ADAMTS12: variants seen among roughly 807,000 people sequenced by gnomAD.
The protein encoded by ADAMTS12 is A disintegrin and metalloproteinase with thrombospondin motifs 12.
A neutral mutation model predicts 167.8 loss-of-function variants in ADAMTS12; 118 were observed. The observed-to-expected ratio is 0.70, with a 90% CI of 0.61 to 0.82. The LOEUF (loss-of-function observed/expected upper bound fraction) is 0.82. Among genes scored for constraint, ADAMTS12 ranks in the 40% least tolerant of loss-of-function variants. The pLI is 0.00. For missense variants in ADAMTS12, 1,916 were observed against 1,998.8 expected, an observed-to-expected ratio of 0.96 and a Z score of 0.79; for synonymous variants, 704 against 716.9, an observed-to-expected ratio of 0.98 and a Z score of 0.29.
At chr5:33,669,114 A>G (rs1018562546) in intron 5 of ADAMTS12, among the ~76,000 whole-genome samples, 1 of 152,134 alleles carries the variant, frequency 6.6e-6, no homozygotes, top group African/African-American at 2.4e-5. Context: ...TAATCAATAC[A>G]ATTAGTTAGT....
At chr5:33,546,427 G>C (rs1259889955) in intron 21 of ADAMTS12, among the ~76,000 whole-genome samples, 2 of 151,680 alleles carry the variant, frequency 1.3e-5, no homozygotes, top group Admixed American at 1.3e-4. Flanking sequence ...AAATATTGAT[G>C]AAGCAAATCC....
intron 19 of ADAMTS12, among the ~76,000 whole-genome samples, chr5:33,568,568 T>C (rs889789581): frequency 6.6e-6 from 1 of 152,240 alleles, no homozygotes; most frequent in African/African-American, 2.4e-5. Flanking sequence ...GTTACAAATC[T>C]CTTTTTCTAT....
At chr5:33,611,751 T>A (rs190501190) in intron 16 of ADAMTS12, among the ~76,000 whole-genome samples, 6 of 152,290 alleles carry the variant, frequency 3.9e-5, no homozygotes, top group Admixed American at 3.9e-4. Context: ...ATTAAATGCA[T>A]CCTTAAAATT....
chr5:33,793,590 GGATTA>G (rs1168929287), intron 2 of ADAMTS12, among the ~76,000 whole-genome samples: 1 of 151,970 alleles, frequency 6.6e-6, no homozygotes, highest in Non-Finnish European at 1.5e-5. Context: ...AGACTGTATT[GGATTA>G]TTTTACCCAA....
chr5:33,791,144 A>G (rs1455931277), intron 2 of ADAMTS12, among the ~76,000 whole-genome samples: 2 of 152,204 alleles, frequency 1.3e-5, no homozygotes, highest in Non-Finnish European at 2.9e-5. Flanking sequence ...ACTCACATGC[A>G]CAGCAGCATG....
At chr5:33,594,329 C>A (rs1232171293) in intron 17 of ADAMTS12, among the ~76,000 whole-genome samples, 1 of 152,186 alleles carries the variant, frequency 6.6e-6, no homozygotes. Flanking sequence ...GTCCATTAAA[C>A]CTCTTTTTCT....
intron 16 of ADAMTS12, among the ~76,000 whole-genome samples, chr5:33,607,827 G>A (rs1291282802): frequency 3.3e-5 from 5 of 152,144 alleles, no homozygotes; most frequent in Admixed American, 1.3e-4. Context: ...TTCCAGTAAG[G>A]ATTTTCTTGG....
intron 2 of ADAMTS12, among the ~76,000 whole-genome samples, chr5:33,833,462 A>G (rs1188640230): frequency 2.6e-5 from 4 of 152,236 alleles, no homozygotes; most frequent in African/African-American, 9.6e-5. Context: ...TCAGAGACAA[A>G]GAGTGGTTCA....
At chr5:33,542,930 AC>A (rs1744778989) in intron 22 of ADAMTS12, among the ~76,000 whole-genome samples, 2 of 152,220 alleles carry the variant, frequency 1.3e-5, no homozygotes, top group Non-Finnish European at 2.9e-5. Context: ...TAAAATCGAC[AC>A]CCTAACATCA....
At chr5:33,574,243 C>T (rs1465250552) in intron 19 of ADAMTS12, among the ~76,000 whole-genome samples, 1 of 152,036 alleles carries the variant, frequency 6.6e-6, no homozygotes. Flanking sequence ...AATCCCATTA[C>T]TGGGTATATA....
intron 2 of ADAMTS12, among the ~76,000 whole-genome samples, chr5:33,860,305 AAAG>A (rs1749560497): frequency 1.3e-5 from 2 of 152,232 alleles, no homozygotes; most frequent in African/African-American, 2.4e-5. Flanking sequence ...TAACCAGTTT[AAAG>A]AAGAACATAA....
intron 11 of ADAMTS12, among the ~76,000 whole-genome samples, chr5:33,640,033 T>G (rs1387686325): frequency 1.3e-5 from 2 of 152,182 alleles, no homozygotes; most frequent in African/African-American, 4.8e-5. Context: ...TGTCTCCAAT[T>G]CATTTCCATC....
At chr5:33,740,416 C>A (rs528646344) in intron 3 of ADAMTS12, among the ~76,000 whole-genome samples, 35 of 152,282 alleles carry the variant, frequency 2.3e-4, no homozygotes, top group African/African-American at 7.0e-4. Flanking sequence ...CGGCCTGGGG[C>A]AGGGAGGTTA....
intron 3 of ADAMTS12, among the ~76,000 whole-genome samples, chr5:33,686,756 C>T (rs9784619): frequency 0.57 from 83,728 of 148,136 alleles, 23,816 homozygotes; most frequent in South Asian, 0.67. Flanking sequence ...GATATATACA[C>T]CTCTCTCTCT....
At chr5:33,732,398 C>T (rs1579885124) in intron 3 of ADAMTS12, among the ~76,000 whole-genome samples, 1 of 152,114 alleles carries the variant, frequency 6.6e-6, no homozygotes, top group East Asian at 1.9e-4. Context: ...AGCATTTTCC[C>T]ACAAATATGA....
At chr5:33,676,688 A>ACACACACACG (rs1554034101) in intron 5 of ADAMTS12, among the ~76,000 whole-genome samples, 1 of 149,310 alleles carries the variant, frequency 6.7e-6, no homozygotes, top group African/African-American at 2.5e-5. Context: ...TATCTTACAC[A>ACACACACACG]CACACACACA....
intron 3 of ADAMTS12, among the ~76,000 whole-genome samples, chr5:33,717,168 T>TG (rs1743646478): frequency 6.6e-6 from 1 of 151,654 alleles, no homozygotes; most frequent in East Asian, 1.9e-4. Context: ...GAGAGAGGTG[T>TG]GGGGCACAAC....
chr5:33,870,014 A>C (rs1281364776), intron 2 of ADAMTS12, among the ~76,000 whole-genome samples: 1 of 152,194 alleles, frequency 6.6e-6, no homozygotes, highest in East Asian at 1.9e-4. Flanking sequence ...CTGGTGAAGA[A>C]ATTCAGTGAT....
At chr5:33,706,984 T>A (rs1456917833) in intron 3 of ADAMTS12, among the ~76,000 whole-genome samples, 1 of 152,138 alleles carries the variant, frequency 6.6e-6, no homozygotes, top group Admixed American at 6.5e-5. Context: ...AAATAAGGCA[T>A]ATTCAAATAG....
Sources: allele counts gnomAD v4.1 joint callset (sites outside exome capture counted in the v4.1 genomes callset), GRCh38; gene constraint gnomAD v4.1.1; transcripts MANE v1.5; gene names NCBI Gene and HGNC (gene_info 2026-07-23, HGNC 2026-07-21).